Variants in AP3S2 observed in about 807,000 individuals in gnomAD.
AP3S2 encodes the protein AP-3 complex subunit sigma-2.
A neutral mutation model predicts 23.4 loss-of-function variants in AP3S2; 22 were observed. The ratio of observed to expected loss-of-function variants is 0.94; its 90% CI spans 0.67 to 1.34. The LOEUF (loss-of-function observed/expected upper bound fraction) is 1.34. Ranked by LOEUF, AP3S2 falls within the 40% of genes most tolerant of loss-of-function variation. The pLI, the probability that AP3S2 is intolerant of heterozygous loss-of-function variation, is 0.00. For synonymous variants in AP3S2, 86 were observed against 87.1 expected (o/e 0.99, Z 0.07); for missense variants, 241 against 236.9 (o/e 1.02, Z -0.11).
At chr15:89,845,906 G>A (rs1298434462) in intron 4 of AP3S2, 1 of 152,190 alleles carries the variant, frequency 6.6e-6, no homozygotes, top group East Asian at 1.9e-4. Flanking sequence ...ACTCAGAAGT[G>A]TTTATTAACA....
At chr15:89,843,930 C>A (rs1895397280) in intron 4 of AP3S2, among the ~76,000 whole-genome samples, 1 of 152,172 alleles carries the variant, frequency 6.6e-6, no homozygotes, top group African/African-American at 2.4e-5. Flanking sequence ...ATCGTCAATA[C>A]TATATGCTTT....
chr15:89,862,862 T>G (rs1167608480), intron 4 of AP3S2, among the ~76,000 whole-genome samples: 3 of 152,200 alleles, frequency 2.0e-5, no homozygotes, highest in African/African-American at 7.2e-5. Context: ...ATTACCCATT[T>G]GGGAATTACC....
intron 4 of AP3S2, among the ~76,000 whole-genome samples, chr15:89,858,535 A>AAG (rs1194102114): frequency 3.9e-5 from 2 of 51,418 alleles, no homozygotes; most frequent in East Asian, 1.1e-3. Context: ...GAAAGAAAGA[A>AAG]AGAAAGAAAG....
At chr15:89,888,658 T>G in intron 2 of AP3S2, 26 bp from the exon 3 acceptor site, 1 of 1,602,642 alleles carries the variant, frequency 6.2e-7, no homozygotes, top group African/African-American at 1.3e-5. Flanking sequence ...AACATTTAAA[T>G]GCCCACAGCT....
chr15:89,839,466 G>A (rs1028523208), intron 4 of AP3S2, among the ~76,000 whole-genome samples: 1 of 152,186 alleles, frequency 6.6e-6, no homozygotes, highest in Non-Finnish European at 1.5e-5. Context: ...ATATGCAAAT[G>A]AAGATTTAAT....
chr15:89,835,679 C>T, intron 5 of AP3S2, 36 bp from the exon 6 acceptor site: 4 of 1,109,418 alleles, frequency 3.6e-6, no homozygotes, highest in Non-Finnish European at 3.9e-6. Flanking sequence ...GAGACAAATT[C>T]TCACTGTTAT....
intron 4 of AP3S2, among the ~76,000 whole-genome samples, chr15:89,867,976 C>T (rs28615960): frequency 0.75 from 102,372 of 136,964 alleles, 38,182 homozygotes; most frequent in Admixed American, 0.79. Context: ...CCGTGCCATC[C>T]GGGAGGGAGG....
chr15:89,870,247 C>CT (rs1372089853), intron 4 of AP3S2, among the ~76,000 whole-genome samples: 1 of 152,126 alleles, frequency 6.6e-6, no homozygotes, highest in African/African-American at 2.4e-5. Context: ...CAAAACAACT[C>CT]TAAGTGCTTG....
At chr15:89,872,745 G>A (rs1896350435) in intron 3 of AP3S2, among the ~76,000 whole-genome samples, 1 of 152,194 alleles carries the variant, frequency 6.6e-6, no homozygotes, top group Non-Finnish European at 1.5e-5. Context: ...AGGAACCAAC[G>A]CACACTATTG....
chr15:89,876,955 G>A, intron 3 of AP3S2: 1 of 267,642 alleles, frequency 3.7e-6, no homozygotes, highest in Non-Finnish European at 7.4e-6. Context: ...CTGTACCTAG[G>A]GATTATGACA....
chr15:89,883,186 T>C (rs1034431451), intron 3 of AP3S2, among the ~76,000 whole-genome samples: 1 of 152,202 alleles, frequency 6.6e-6, no homozygotes, highest in African/African-American at 2.4e-5. Context: ...AAATAGGAAA[T>C]TTAATTTTGT....
At chr15:89,885,490 A>G (rs1210249596) in intron 3 of AP3S2, among the ~76,000 whole-genome samples, 2 of 152,216 alleles carry the variant, frequency 1.3e-5, no homozygotes, top group Non-Finnish European at 2.9e-5. Flanking sequence ...GGCATGTGCC[A>G]CTGCCCCAGG....
intron 3 of AP3S2, among the ~76,000 whole-genome samples, chr15:89,887,397 A>C (rs1268267117): frequency 6.6e-6 from 1 of 151,810 alleles, no homozygotes; most frequent in South Asian, 2.1e-4. Context: ...TTTGAGACGG[A>C]GTCTCGCCCT....
intron 4 of AP3S2, among the ~76,000 whole-genome samples, chr15:89,848,206 T>C (rs935744924): frequency 1.3e-5 from 2 of 152,190 alleles, no homozygotes; most frequent in Non-Finnish European, 2.9e-5. Flanking sequence ...GTGTTATACA[T>C]AGAAGACAAA....
At chr15:89,854,539 C>T (rs1473754241) in intron 4 of AP3S2, among the ~76,000 whole-genome samples, 4 of 91,502 alleles carry the variant, frequency 4.4e-5, no homozygotes, top group African/African-American at 8.3e-5. Context: ...CAGCCCCCCG[C>T]CCGGCCAGCC....
chr15:89,844,376 C>A (rs1200870372), intron 4 of AP3S2, among the ~76,000 whole-genome samples: 2 of 151,370 alleles, frequency 1.3e-5, no homozygotes, highest in Non-Finnish European at 2.9e-5. Flanking sequence ...CTTGCTCTGT[C>A]ACCCAGGCTG....
chr15:89,841,227 T>G (rs1017246373), intron 4 of AP3S2, among the ~76,000 whole-genome samples: 2 of 152,166 alleles, frequency 1.3e-5, no homozygotes, highest in African/African-American at 4.8e-5. Context: ...AAAGTCAGCA[T>G]TTTCAAATGC....
Position 89,871,559 on chromosome 15 carries a change from G to T in AP3S2, c.274-13C>A. ...TTTCCACAAAAACCTAGAAAACAAG[G>T]AGAAATAGATAAAGAAGAGAAATAG... On this transcript the variant is annotated splice_polypyrimidine_tract_variant and intron_variant, in intron 3 of 5. Coordinates refer to ENST00000336418, the MANE Select transcript of AP3S2 (RefSeq NM_005829.5). 6.2e-7 allele frequency: 1 copy of T among 1,612,012 alleles called. No individual in the cohort carries two copies. The highest frequency in any genetic ancestry group is 1.1e-5 in the South Asian group (1 of 90,540).
At chr15:89,867,661 G>A (rs1312924398) in intron 4 of AP3S2, among the ~76,000 whole-genome samples, 4 of 135,170 alleles carry the variant, frequency 3.0e-5, no homozygotes, top group Non-Finnish European at 3.2e-5. Context: ...CCTCTGCCCC[G>A]CCGCCCCATC....
Sources: gnomAD v4.1 joint callset for allele counts (sites outside exome capture counted in the v4.1 genomes callset) on GRCh38, gnomAD v4.1.1 for gene constraint, MANE v1.5 for transcripts, NCBI Gene and HGNC (gene_info 2026-07-23, HGNC 2026-07-21) for gene names.